Variants in WDR12 observed in about 807,000 individuals in gnomAD.
WDR12 encodes WD repeat domain 12, also known as ribosome biogenesis protein WDR12.
In WDR12, 42 loss-of-function variants were observed where a neutral mutation model predicts 64.3. That is an observed-to-expected ratio of 0.65 (90% CI 0.51 to 0.84). The LOEUF is 0.84. Among genes scored for constraint, WDR12 ranks in the 40% least tolerant of loss-of-function variants. The pLI, the probability that WDR12 is intolerant of heterozygous loss-of-function variation, is 0.00. For missense variants in WDR12, 469 were observed against 494.6 expected, an observed-to-expected ratio of 0.95 and a Z score of 0.49; for synonymous variants, 158 against 173.3, an observed-to-expected ratio of 0.91 and a Z score of 0.70.
Position 202,876,274 on chromosome 2 carries a change from G to GGTAC in WDR12, c.*4582_*4585dup, listed in dbSNP as rs1295704841. On this transcript the variant is annotated 3_prime_UTR_variant, in exon 13 of 13. Coordinates refer to ENST00000261015, the MANE Select transcript of WDR12 (RefSeq NM_018256.4). Reference sequence around the variant, plus strand: ...GTGGCAGCATGCAATTGTACTCCCAGGTACGTACTCAGGAAGCTGGGGCAG... The same window carrying GGTAC: ...GTGGCAGCATGCAATTGTACTCCCAGGTACGTACGTACTCAGGAAGCTGGGGCAG... The GGTAC allele has an allele frequency of 6.6e-6, 1 of 152,152 alleles. No homozygotes were observed. The allele number at this position is 152,152 out of a possible 1,614,324, so 9.4% of individuals were successfully genotyped here.
chr2:202,887,919 T>C (rs976960281), intron 8 of WDR12, among the ~76,000 whole-genome samples: 35 of 128,474 alleles, frequency 2.7e-4, no homozygotes, highest in African/African-American at 9.8e-4. Flanking sequence ...AAAAAGAAAA[T>C]GACATGGTAA....
At chr2:202,904,414 A>G (rs1230215318) in intron 2 of WDR12, among the ~76,000 whole-genome samples, 2 of 152,168 alleles carry the variant, frequency 1.3e-5, no homozygotes. Flanking sequence ...ACAAACTTGG[A>G]GGAATCACAT....
At chr2:202,911,408 G>A (rs1436848551) in intron 1 of WDR12, 28 bp downstream of exon 1, 1 of 1,612,386 alleles carries the variant, frequency 6.2e-7, no homozygotes, top group Middle Eastern at 1.7e-4. Flanking sequence ...ACCTGGGGAA[G>A]GGAGAGAAGG....
At chr2:202,892,565 A>C in intron 8 of WDR12, 52 bp downstream of exon 8, 1 of 1,266,802 alleles carries the variant, frequency 7.9e-7, no homozygotes, top group Non-Finnish European at 1.1e-6. Context: ...ATTACCATCT[A>C]TTTGTCAACA....
At chr2:202,884,357 G>C in intron 9 of WDR12, 38 bp downstream of exon 9, 1 of 1,613,502 alleles carries the variant, frequency 6.2e-7, no homozygotes, top group Non-Finnish European at 8.5e-7. Flanking sequence ...ACCATCTCTA[G>C]AAGTTTATCA....
intron 8 of WDR12, among the ~76,000 whole-genome samples, chr2:202,887,861 GTCCGA>G (rs1574403667): frequency 2.1e-5 from 3 of 144,146 alleles, no homozygotes; most frequent in South Asian, 2.2e-4. Flanking sequence ...GCAGTCCGCA[GTCCGA>G]CCTGGGCGAC....
chr2:202,902,475 G>C (rs893948052), intron 2 of WDR12, among the ~76,000 whole-genome samples: 3 of 152,168 alleles, frequency 2.0e-5, no homozygotes, highest in Non-Finnish European at 4.4e-5. Context: ...CCTCTATCTG[G>C]GTAGGTACCA....
chr2:202,907,407 C>A (rs929299046), intron 2 of WDR12, among the ~76,000 whole-genome samples: 1 of 151,694 alleles, frequency 6.6e-6, no homozygotes, highest in East Asian at 1.9e-4. Flanking sequence ...GAATTCTGGA[C>A]ACAAAAAATA....
intron 4 of WDR12, among the ~76,000 whole-genome samples, chr2:202,898,190 G>T (rs1280763969): frequency 1.3e-5 from 2 of 151,714 alleles, no homozygotes; most frequent in Non-Finnish European, 2.9e-5. Context: ...TTGCTCTGTT[G>T]CCCAGGCTGG....
In WDR12 at chr2:202,911,520, G is replaced by T; in HGVS notation, c.-44C>A. ...CTTGCCCACGGAAACGTACGGGTTA[G>T]CAGACCCACAACACGAAGCTCCTGC... On this transcript the variant is annotated 5_prime_UTR_variant, in exon 1 of 13. Coordinates refer to ENST00000261015, the MANE Select transcript of WDR12 (RefSeq NM_018256.4). The T allele has an allele frequency of 6.3e-7, 1 of 1,594,956 alleles. No individual in the cohort carries two copies. Among genetic ancestry groups the T allele is most frequent in the Non-Finnish European group, 8.6e-7 (1 of 1,162,566 alleles).
chr2:202,900,815 AATATAC>A (rs1435546560), intron 3 of WDR12, among the ~76,000 whole-genome samples: 1 of 152,148 alleles, frequency 6.6e-6, no homozygotes. Context: ...AATATACAGG[AATATAC>A]ATATATATAT....
Position 202,896,089 on chromosome 2 carries a change from T to C in WDR12, c.585A>G (p.Ile195Met). 6.2e-7 allele frequency: 1 copy of C among 1,613,836 alleles called. No individual in the cohort carries two copies. Among genetic ancestry groups the C allele is most frequent in the Non-Finnish European group, 8.5e-7 (1 of 1,179,926 alleles). Residue 195 changes from isoleucine to methionine, a missense_variant, in exon 6 of 13, where the codon ATA (isoleucine) becomes ATG (methionine). By Grantham distance (10) the Ile-to-Met change is conservative (BLOSUM62 1). Transcript: ENST00000261015. ...CRGHAGSVDS[I>M]AVDGSGTKFC... ...CTTTAGTTCCTGAGCCATCAACAGC[T>C]ATAGAATCTACACTTCCAGCATGAC...
rs35212307 is a variant in WDR12, at chr2:202,901,033, T to A, written c.223A>T (p.Ile75Phe). ...TAAGAATTTGAACTTACTGATGAGA[T>A]GTTCTCCATTTCCATGTGTTTGTCC... The part of the protein sequence containing the change: ...PLDKHMEMEN[I>F]SSEEVVEIEY... Residue 75 changes from isoleucine (I) to phenylalanine (F), a missense_variant, in exon 3 of 13, where the codon ATC becomes TTC. Ile to Phe is a conservative substitution (Grantham distance 21). Transcript: ENST00000261015. The A allele has an allele frequency of 6.3e-7, 1 of 1,586,266 alleles. No individual in the cohort carries two copies. Among genetic ancestry groups the A allele is most frequent in the African/African-American group, 1.3e-5 (1 of 74,792 alleles).
At chr2:202,890,313 A>G (rs927870896) in intron 8 of WDR12, among the ~76,000 whole-genome samples, 1 of 152,172 alleles carries the variant, frequency 6.6e-6, no homozygotes, top group Non-Finnish European at 1.5e-5. Context: ...TATCATATGA[A>G]ATTTTAAAAA....
intron 12 of WDR12, among the ~76,000 whole-genome samples, chr2:202,881,763 G>A (rs1024419724): frequency 2.0e-5 from 3 of 151,994 alleles, no homozygotes; most frequent in Non-Finnish European, 2.9e-5. Context: ...GGGGGCGGGA[G>A]GATTGCTTGA....
Position 202,896,060 on chromosome 2 carries a change from C to T in WDR12, c.609+5G>A. 1.2e-6 allele frequency: 2 copies of T among 1,609,470 alleles called. No individual in the cohort carries two copies. Among genetic ancestry groups the T allele is most frequent in the Non-Finnish European group, 1.7e-6 (2 of 1,178,856 alleles). ...CAGAGTACTAATAATATTCTAGCTA[C>T]TTACTTTAGTTCCTGAGCCATCAAC... On this transcript the variant is annotated splice_donor_5th_base_variant and intron_variant, in intron 6 of 12. Coordinates refer to ENST00000261015, the MANE Select transcript of WDR12 (RefSeq NM_018256.4).
Position 202,911,526 on chromosome 2 carries a change from C to A in WDR12, c.-50G>T. 1 of 1,571,922 alleles carries A rather than the reference C, an allele frequency of 6.4e-7. No homozygotes were observed. Among genetic ancestry groups the A allele is most frequent in the Non-Finnish European group, 8.8e-7 (1 of 1,141,692 alleles). ...CACGGAAACGTACGGGTTAGCAGAC[C>A]CACAACACGAAGCTCCTGCCTTTTA... On this transcript the variant is annotated 5_prime_UTR_variant, in exon 1 of 13. Transcript: ENST00000261015.
chr2:202,901,564 CCTT>C (rs1688349198), intron 2 of WDR12, among the ~76,000 whole-genome samples: 1 of 152,158 alleles, frequency 6.6e-6, no homozygotes, highest in South Asian at 2.1e-4. Context: ...AACAATCACT[CCTT>C]CTAACATCAA....
At chr2:202,908,992 T>A (rs1287416977) in intron 1 of WDR12, among the ~76,000 whole-genome samples, 2 of 152,216 alleles carry the variant, frequency 1.3e-5, no homozygotes, top group Admixed American at 6.5e-5. Context: ...CAATGAAATA[T>A]AATTTCACAT....
Sources: allele counts gnomAD v4.1 joint callset (sites outside exome capture counted in the v4.1 genomes callset), GRCh38; gene constraint gnomAD v4.1.1; transcripts MANE v1.5; gene names NCBI Gene and HGNC (gene_info 2026-07-23, HGNC 2026-07-21).